The following FASTKD2 variants were observed in gnomAD, a reference collection of about 807,000 sequenced individuals.
FASTKD2 encodes the protein FAST kinase domains 2.
FASTKD2 carries 51 observed loss-of-function variants against 63.6 expected under a neutral mutation model. The ratio of observed to expected loss-of-function variants is 0.80; its 90% CI spans 0.64 to 1.01. The LOEUF is 1.01. Ranked by LOEUF, FASTKD2 falls within the 50% of genes least tolerant of loss-of-function variation. The probability of loss-of-function intolerance (pLI) is 0.00; values close to 1 mark genes in which losing one functional copy is unlikely to be tolerated. For missense variants in FASTKD2, 786 were observed against 831.1 expected (o/e 0.95, Z 0.67); for synonymous variants, 284 against 293.4 (o/e 0.97, Z 0.33).
At chr2:206,770,784 T>C (rs1689656810) in intron 3 of FASTKD2, among the ~76,000 whole-genome samples, 1 of 151,586 alleles carries the variant, frequency 6.6e-6, no homozygotes, top group Non-Finnish European at 1.5e-5. Flanking sequence ...TTGATATGTA[T>C]ATTTAATTCA....
intron 7 of FASTKD2, among the ~76,000 whole-genome samples, chr2:206,779,011 G>A (rs1022529685): frequency 6.6e-6 from 1 of 152,050 alleles, no homozygotes; most frequent in Non-Finnish European, 1.5e-5. Context: ...TTTTGGTCTG[G>A]ATGTTCTATA....
At chr2:206,766,135 C>T in intron 1 of FASTKD2, among the ~76,000 whole-genome samples, 1 of 151,802 alleles carries the variant, frequency 6.6e-6, no homozygotes, top group East Asian at 1.9e-4. Flanking sequence ...TGGCATACGC[C>T]TGTAATCCCA....
intron 7 of FASTKD2, among the ~76,000 whole-genome samples, chr2:206,781,745 G>C (rs577842625): frequency 6.6e-6 from 1 of 151,028 alleles, no homozygotes; most frequent in East Asian, 1.9e-4. Context: ...TACTACAGTC[G>C]GGGACATAGA....
In FASTKD2 at chr2:206,792,710, C is replaced by T. The variant is rs1405676044; in HGVS notation, c.*908C>T. On this transcript the variant is annotated 3_prime_UTR_variant, in exon 12 of 12. Transcript: ENST00000402774. Reference sequence around the variant, plus strand: ...GTTATTCTGCCCCCAAGCACACAGACATGCAATTACTAGACATCTTAGTAT... The same window carrying T: ...GTTATTCTGCCCCCAAGCACACAGATATGCAATTACTAGACATCTTAGTAT... Among the ~76,000 whole-genome samples, 3 of 152,176 alleles carry T rather than the reference C, an allele frequency of 2.0e-5. No homozygotes were observed. The highest frequency in any genetic ancestry group is 2.0e-4 in the Admixed American group (3 of 15,270).
At chr2:206,766,566 T>C (rs1345701048) in intron 1 of FASTKD2, 78 bp from the exon 2 acceptor site, 1 of 854,852 alleles carries the variant, frequency 1.2e-6, no homozygotes, top group Non-Finnish European at 1.9e-6. Context: ...CATTTTCTCT[T>C]CTGTTAAATG....
At chr2:206,777,037 A>G (rs1404561510) in intron 7 of FASTKD2, among the ~76,000 whole-genome samples, 3 of 151,962 alleles carry the variant, frequency 2.0e-5, no homozygotes, top group Non-Finnish European at 4.4e-5. Context: ...TAAGTATTTT[A>G]TGCTTTTTGA....
Position 206,778,126 on chromosome 2 carries a change from T to C in FASTKD2, c.1427+3729T>C, listed in dbSNP as rs188568255. Among the ~76,000 whole-genome samples the C allele has an allele frequency of 2.3e-3, 346 of 152,198 alleles. 2 individuals are homozygous for C. Among genetic ancestry groups the C allele is most frequent in the African/African-American group, 7.8e-3 (326 of 41,568 alleles). On this transcript the variant is annotated intron_variant, in intron 7 of 11. Transcript: ENST00000402774. ...AAGTCTTCGTTTTGTTGGTTTTTTC[T>C]ACTTCTTATTGTCTATTTTATTTAT...
chr2:206,781,702 G>A lies in FASTKD2; in HGVS notation c.1428-5031G>A, dbSNP rs188408422. ...TTTTTTTTTTTTTTCCAGTATCAGG[G>A]AATGTCTTGCTCCCTCTGGTGTCTG... On this transcript the variant is annotated intron_variant, in intron 7 of 11. Transcript: ENST00000402774. Among the ~76,000 whole-genome samples the A allele has an allele frequency of 2.3e-3, 333 of 146,748 alleles. 2 individuals are homozygous for A. Among genetic ancestry groups the A allele is most frequent in the African/African-American group, 7.9e-3 (313 of 39,438 alleles).
At chr2:206,771,142 A>G in intron 3 of FASTKD2, 40 bp from the exon 4 acceptor site, 1 of 1,221,236 alleles carries the variant, frequency 8.2e-7, no homozygotes, top group Non-Finnish European at 1.2e-6. Flanking sequence ...TTCTGCTTTG[A>G]AGATTCTATG....
chr2:206,773,370 A>G (rs2105975351), intron 6 of FASTKD2, among the ~76,000 whole-genome samples: 1 of 151,580 alleles, frequency 6.6e-6, no homozygotes, highest in Non-Finnish European at 1.5e-5. Flanking sequence ...GATATTTAGC[A>G]TGATTTCCGT....
rs1690364107 is a variant in FASTKD2, at chr2:206,793,815, G to A, written c.*2013G>A. Among the ~76,000 whole-genome samples the A allele has an allele frequency of 1.3e-5, 2 of 152,094 alleles. No individual in the cohort carries two copies. The highest frequency in any genetic ancestry group is 4.8e-5 in the African/African-American group (2 of 41,402). ...GCTTTGTGTCAATGAAAGAAAAATG[G>A]GCAAAGAGCTGATGAACATGAAAAA... On this transcript the variant is annotated 3_prime_UTR_variant, in exon 12 of 12. Coordinates refer to ENST00000402774, the MANE Select transcript of FASTKD2 (RefSeq NM_001136193.2).
intron 7 of FASTKD2, among the ~76,000 whole-genome samples, chr2:206,781,304 ATT>A (rs71034473): frequency 0.014 from 1,068 of 75,822 alleles, 9 homozygotes; most frequent in African/African-American, 0.045. Context: ...TTTTTCTATG[ATT>A]TTTTTTTTTT....
chr2:206,784,819 C>G (rs778244359), intron 7 of FASTKD2, among the ~76,000 whole-genome samples: 1 of 152,214 alleles, frequency 6.6e-6, no homozygotes, highest in Non-Finnish European at 1.5e-5. Flanking sequence ...TTGCCAAGCA[C>G]CTGGACACTT....
At position 206,794,441 on chromosome 2, in the gene FASTKD2, A is replaced by G. The variant is rs1016230411; in HGVS notation, c.*2639A>G. Among the ~76,000 whole-genome samples the G allele has an allele frequency of 3.3e-5, 5 of 152,062 alleles. No individual in the cohort carries two copies. The highest frequency in any genetic ancestry group is 7.4e-5 in the Non-Finnish European group (5 of 67,992). On this transcript the variant is annotated 3_prime_UTR_variant, in exon 12 of 12. Transcript: ENST00000402774. ...AGATTTTTAAAGATGGGGCCCTGCT[A>G]TGTTACCCAGGCTAGCTTCAAACTC...
chr2:206,786,906 T>A lies in FASTKD2; in HGVS notation c.1594+7T>A. On this transcript the variant is annotated splice_region_variant and intron_variant, in intron 8 of 11. Coordinates refer to ENST00000402774, the MANE Select transcript of FASTKD2 (RefSeq NM_001136193.2). ...AGTGAGCTGCTGACATCAGGTAGGATGTTAGTGCAGAATTGGTCACCAATT... is the reference window on the plus strand; with the variant it reads ...AGTGAGCTGCTGACATCAGGTAGGAAGTTAGTGCAGAATTGGTCACCAATT... The A allele has an allele frequency of 6.2e-7, 1 of 1,608,118 alleles. No homozygotes were observed. The highest frequency in any genetic ancestry group is 8.5e-7 in the Non-Finnish European group (1 of 1,175,164).
In FASTKD2 at chr2:206,793,266, C is replaced by T. The variant is rs1006854280; in HGVS notation, c.*1464C>T. Among the ~76,000 whole-genome samples the T allele has an allele frequency of 2.2e-5, 3 of 135,528 alleles. No individual in the cohort carries two copies. The highest frequency in any genetic ancestry group is 4.6e-5 in the Non-Finnish European group (3 of 64,670). The allele number at this position is 135,528 out of a possible 152,430, so 88.9% of individuals were successfully genotyped here. A position where few individuals can be genotyped will look rare whatever the true frequency, so the allele number is the denominator to read the frequency against. ...AAAAAAAAAAATACAAAAACTATAG[C>T]AATATGACAACAGCTGCCAGGTTGT... On this transcript the variant is annotated 3_prime_UTR_variant, in exon 12 of 12. Coordinates refer to ENST00000402774, the MANE Select transcript of FASTKD2 (RefSeq NM_001136193.2).
intron 7 of FASTKD2, 198 bp from the exon 8 acceptor site, chr2:206,786,535 A>G (rs762218476): frequency 1.4e-4 from 80 of 576,928 alleles, no homozygotes; most frequent in Non-Finnish European, 2.1e-4. Context: ...AAGTCTATAA[A>G]ATGTTTGTCT....
intron 2 of FASTKD2, among the ~76,000 whole-genome samples, chr2:206,769,177 A>G (rs1362137430): frequency 1.3e-5 from 2 of 152,246 alleles, no homozygotes; most frequent in African/African-American, 4.8e-5. Context: ...CTTCAAACAC[A>G]TAGACAAGTG....
rs1241169964 is a variant in FASTKD2, at chr2:206,795,903, C to T, written c.*4101C>T. The stretch of plus-strand genomic sequence containing the variant: ...AGCATCTTCATGACTTTCCAGCTTC[C>T]AGGCTGTAAGCAGAGATAGCATCTC... On this transcript the variant is annotated 3_prime_UTR_variant, in exon 12 of 12. Transcript: ENST00000402774. Among the ~76,000 whole-genome samples, 1 of 152,100 alleles carries T rather than the reference C, an allele frequency of 6.6e-6. No individual in the cohort carries two copies. Among genetic ancestry groups the T allele is most frequent in the South Asian group, 2.1e-4 (1 of 4,818 alleles).
Sources: gnomAD v4.1 joint callset for allele counts (sites outside exome capture counted in the v4.1 genomes callset) on GRCh38, gnomAD v4.1.1 for gene constraint, MANE v1.5 for transcripts, NCBI Gene and HGNC (gene_info 2026-07-23, HGNC 2026-07-21) for gene names.